TAF3: variants seen among roughly 807,000 people sequenced by gnomAD.
The protein encoded by TAF3 is TATA-box binding protein associated factor 3, also known as transcription initiation factor TFIID subunit 3.
Under a neutral mutation model 80.6 loss-of-function variants are expected in TAF3, and 7 were observed. That is an observed-to-expected ratio of 0.09 (90% CI 0.05 to 0.16). The LOEUF is 0.16. Ranked by LOEUF, TAF3 falls within the 10% of genes least tolerant of loss-of-function variation. The probability of loss-of-function intolerance (pLI) is 1.00; values close to 1 mark genes in which losing one functional copy is unlikely to be tolerated. For missense variants in TAF3, 921 were observed against 1,140.2 expected, an observed-to-expected ratio of 0.81 and a Z score of 2.77; for synonymous variants, 444 against 446.1, an observed-to-expected ratio of 1.00 and a Z score of 0.06.
At chr10:7,833,442 G>A (rs1305886550) in intron 2 of TAF3, among the ~76,000 whole-genome samples, 3 of 152,158 alleles carry the variant, frequency 2.0e-5, no homozygotes, top group Non-Finnish European at 4.4e-5. Context: ...TTTCTGTAAT[G>A]ATTAGTAATG....
At chr10:7,901,799 G>A (rs759619093) in intron 2 of TAF3, among the ~76,000 whole-genome samples, 58 of 152,110 alleles carry the variant, frequency 3.8e-4, no homozygotes, top group Admixed American at 1.2e-3. Context: ...AGGCTGTGAC[G>A]GTCACATTTA....
chr10:7,827,173 A>T (rs1271421141), intron 2 of TAF3, among the ~76,000 whole-genome samples: 1 of 152,220 alleles, frequency 6.6e-6, no homozygotes, highest in Non-Finnish European at 1.5e-5. Context: ...TGAGAGGCAC[A>T]GCGTGGACCT....
chr10:7,938,285 A>G (rs1251896929), intron 2 of TAF3, among the ~76,000 whole-genome samples: 1 of 152,156 alleles, frequency 6.6e-6, no homozygotes, highest in Non-Finnish European at 1.5e-5. Context: ...AGAAGACAGC[A>G]TTGGCAGGAC....
intron 5 of TAF3, among the ~76,000 whole-genome samples, chr10:8,012,632 T>G (rs558192928): frequency 3.9e-5 from 6 of 152,222 alleles, no homozygotes; most frequent in African/African-American, 1.4e-4. Flanking sequence ...TCACCCCTTG[T>G]TACTTTTTCT....
chr10:7,821,392 A>G (rs753752913), intron 1 of TAF3, among the ~76,000 whole-genome samples: 1 of 152,158 alleles, frequency 6.6e-6, no homozygotes, highest in Non-Finnish European at 1.5e-5. Context: ...ACTGAGCATC[A>G]CTTACGAACC....
Position 7,957,791 on chromosome 10 carries a change from C to T in TAF3, c.410-6129C>T, listed in dbSNP as rs1015340738. Among the ~76,000 whole-genome samples the T allele has an allele frequency of 8.7e-5, 10 of 114,830 alleles. No homozygotes were observed. The East Asian group carries it at 2.9e-3, about 33-fold the overall frequency. The allele number at this position is 114,830 out of a possible 152,430, so 75.3% of individuals were successfully genotyped here. On this transcript the variant is annotated intron_variant, in intron 2 of 6. Transcript: ENST00000344293. ...GCTGTCTGTCTCACGCTCTCTCTAGCGCGCTCTCTCTCTCTCTCTCTCTCT... is the reference window on the plus strand; with the variant it reads ...GCTGTCTGTCTCACGCTCTCTCTAGTGCGCTCTCTCTCTCTCTCTCTCTCT...
chr10:7,827,779 CAA>C (rs71515491), intron 2 of TAF3, among the ~76,000 whole-genome samples: 6 of 94,922 alleles, frequency 6.3e-5, no homozygotes, highest in Admixed American at 1.1e-4. Flanking sequence ...GACTCTGTCT[CAA>C]AAAAAAAAAA....
intron 3 of TAF3, among the ~76,000 whole-genome samples, chr10:7,973,472 A>C (rs925359567): frequency 1.3e-5 from 2 of 152,230 alleles, no homozygotes; most frequent in South Asian, 2.1e-4. Flanking sequence ...TCATTCTCTG[A>C]ATCAAAAAGA....
At chr10:7,856,352 T>C (rs1005259883) in intron 2 of TAF3, among the ~76,000 whole-genome samples, 9 of 152,020 alleles carry the variant, frequency 5.9e-5, no homozygotes, top group African/African-American at 1.9e-4. Context: ...GGTGCGTGTG[T>C]ACCTGTAATC....
intron 2 of TAF3, among the ~76,000 whole-genome samples, chr10:7,962,445 A>G (rs538446073): frequency 1.3e-5 from 2 of 152,292 alleles, no homozygotes; most frequent in South Asian, 4.1e-4. Flanking sequence ...AAATCCTTCT[A>G]GGTCCAAACT....
intron 2 of TAF3, among the ~76,000 whole-genome samples, chr10:7,865,633 G>A (rs1837206756): frequency 6.6e-6 from 1 of 152,246 alleles, no homozygotes. Flanking sequence ...CCCCGGCAGG[G>A]TGGATGCAGC....
At chr10:7,874,905 A>T (rs17143049) in intron 2 of TAF3, among the ~76,000 whole-genome samples, 30,783 of 152,044 alleles carry the variant, frequency 0.2, 3,213 homozygotes, top group South Asian at 0.27. Context: ...TCTTCAGTAC[A>T]GCCATTTTAA....
At chr10:7,844,718 G>T (rs1836952335) in intron 2 of TAF3, among the ~76,000 whole-genome samples, 1 of 151,984 alleles carries the variant, frequency 6.6e-6, no homozygotes, top group Non-Finnish European at 1.5e-5. Flanking sequence ...TTTCCATTAT[G>T]AACATAATAT....
At chr10:8,014,491 A>G in intron 6 of TAF3, 146 bp from the exon 7 acceptor site, 1 of 627,926 alleles carries the variant, frequency 1.6e-6, no homozygotes, top group South Asian at 2.0e-5. Flanking sequence ...CATGCCCAAC[A>G]ATAGTGCTAC....
At chr10:7,833,945 C>T (rs529707599) in intron 2 of TAF3, 223 of 373,512 alleles carry the variant, frequency 6.0e-4, no homozygotes, top group African/African-American at 4.0e-3. Context: ...TTGCCATTCC[C>T]GCTGGGCACC....
intron 5 of TAF3, among the ~76,000 whole-genome samples, chr10:8,012,492 CAG>C (rs1002582722): frequency 1.3e-5 from 2 of 152,230 alleles, no homozygotes; most frequent in African/African-American, 4.8e-5. Flanking sequence ...GTGCGGCACA[CAG>C]AGTCACGGCC....
chr10:8,009,098 C>T lies in TAF3; in HGVS notation c.2336C>T (p.Pro779Leu). The change falls in exon 5 of 7, where the codon CCT becomes CTT. Residue 779 changes from proline (P) to leucine (L), a missense_variant. Pro to Leu is a moderately conservative substitution (Grantham distance 98, BLOSUM62 -3). Transcript: ENST00000344293. This position sits in a 1 kb window ranked among gnomAD's most constrained non-coding sequence, Gnocchi z 4.1. ...QDKIVISKVV[P>L]APEAKPAPSQ... Reference sequence around the variant, plus strand: ...GACAGTGTCATCAGCAAGGTGGTCCCTGCCCCCGAGGCCAAGCCGGCGCCC... The same window carrying T: ...GACAGTGTCATCAGCAAGGTGGTCCTTGCCCCCGAGGCCAAGCCGGCGCCC... The T allele has an allele frequency of 6.2e-7, 1 of 1,601,864 alleles. No homozygotes were observed. The highest frequency in any genetic ancestry group is 8.5e-7 in the Non-Finnish European group (1 of 1,174,850).
intron 3 of TAF3, among the ~76,000 whole-genome samples, chr10:7,969,723 G>A (rs1289584208): frequency 6.6e-6 from 1 of 152,138 alleles, no homozygotes; most frequent in Non-Finnish European, 1.5e-5. Context: ...ATCTGGAAAG[G>A]CACAGTAGAG....
intron 2 of TAF3, among the ~76,000 whole-genome samples, chr10:7,870,988 G>C (rs1013260186): frequency 6.6e-6 from 1 of 152,098 alleles, no homozygotes; most frequent in African/African-American, 2.4e-5. Context: ...GTATGTATCT[G>C]TGATAGAAAT....
Sources: gnomAD v4.1 joint callset for allele counts (sites outside exome capture counted in the v4.1 genomes callset) on GRCh38, gnomAD v4.1.1 for gene constraint, Gnocchi (gnomAD v3.1) non-coding constraint, MANE v1.5 for transcripts, NCBI Gene and HGNC (gene_info 2026-07-23, HGNC 2026-07-21) for gene names.